Variants in NIPBL observed in about 807,000 individuals in gnomAD.
The protein encoded by NIPBL is nipped-B-like protein.
NIPBL carries 19 observed loss-of-function variants against 321.8 expected under a neutral mutation model. The ratio of observed to expected loss-of-function variants is 0.06; its 90% CI spans 0.04 to 0.09. The LOEUF is 0.09. NIPBL is among the 10% of genes least tolerant of loss of function. The pLI is 1.00. For missense variants in NIPBL, 2,210 were observed against 3,327.0 expected (o/e 0.66, Z 8.26); for synonymous variants, 1,106 against 1,114.1 (o/e 0.99, Z 0.14).
At chr5:36,886,000 G>T (rs1745875483) in intron 1 of NIPBL, 2 of 724,188 alleles carry the variant, frequency 2.8e-6, no homozygotes, top group Non-Finnish European at 5.1e-6. Context: ...ACCAAGAGGA[G>T]CTAGACAAGT....
In NIPBL at chr5:37,064,628, G is replaced by A. The variant is rs1755208707; in HGVS notation, c.8151G>A (p.Lys2717=). The change falls in exon 47 of 47, where the codon AAG becomes AAA. Residue 2717 remains lysine (K), a synonymous_variant. Transcript: ENST00000282516. ...ATGTCATCGCTATTTGCTGTCCAAA[G>A]TACAAAGATCGACCACAAATTGCAA... ...VMDVIAICCP[K]YKDRPQIARV... is the part of the protein sequence containing the mutation. 2 of 1,614,174 alleles carry A rather than the reference G, an allele frequency of 1.2e-6. No individual in the cohort carries two copies. The highest frequency in any genetic ancestry group is 1.7e-6 in the Non-Finnish European group (2 of 1,180,026).
At chr5:36,980,667 T>C (rs1744036694) in intron 9 of NIPBL, among the ~76,000 whole-genome samples, 1 of 151,676 alleles carries the variant, frequency 6.6e-6, no homozygotes, top group Admixed American at 6.6e-5. Flanking sequence ...CATAGTAGGC[T>C]ATATCATCTA....
chr5:37,005,337 C>T (rs1392001231), intron 16 of NIPBL, among the ~76,000 whole-genome samples: 1 of 152,160 alleles, frequency 6.6e-6, no homozygotes, highest in Non-Finnish European at 1.5e-5. Context: ...CATTGTTAGT[C>T]TACAAGTTAC....
At chr5:37,038,554 AC>A in intron 33 of NIPBL, 47 bp from the exon 34 acceptor site, 3 of 1,571,366 alleles carry the variant, frequency 1.9e-6, no homozygotes, top group East Asian at 2.2e-5. Flanking sequence ...TATAGTTTCC[AC>A]TACCTTGTCA....
intron 16 of NIPBL, among the ~76,000 whole-genome samples, chr5:37,004,192 T>C (rs1414304902): frequency 6.6e-6 from 1 of 152,196 alleles, no homozygotes; most frequent in Non-Finnish European, 1.5e-5. Context: ...TTTAATATGC[T>C]TATATCAAAA....
At chr5:36,960,055 G>C (rs1378174549) in intron 4 of NIPBL, among the ~76,000 whole-genome samples, 1 of 151,896 alleles carries the variant, frequency 6.6e-6, no homozygotes, top group Non-Finnish European at 1.5e-5. Flanking sequence ...AATGCAGAGA[G>C]ACCCTGTCTC....
chr5:37,027,337 T>G (rs1750403103), intron 31 of NIPBL, 22 bp from the exon 32 acceptor site: 2 of 1,579,926 alleles, frequency 1.3e-6, no homozygotes, highest in African/African-American at 2.7e-5. Context: ...CTTCTAACTT[T>G]GATTCTTTTC....
At chr5:36,977,431 CCTGT>C (rs888229494) in intron 9 of NIPBL, among the ~76,000 whole-genome samples, 3 of 151,520 alleles carry the variant, frequency 2.0e-5, no homozygotes, top group Middle Eastern at 3.2e-3. Flanking sequence ...TATTATATTT[CCTGT>C]CTGTCATGAT....
chr5:37,037,364 G>A (rs1476654392), intron 33 of NIPBL, among the ~76,000 whole-genome samples: 1 of 148,738 alleles, frequency 6.7e-6, no homozygotes, highest in Admixed American at 6.7e-5. Context: ...CTCCAGCCTG[G>A]GTGACAGAGG....
chr5:36,959,927 T>C (rs866623723), intron 4 of NIPBL, among the ~76,000 whole-genome samples: 2 of 152,096 alleles, frequency 1.3e-5, no homozygotes, highest in African/African-American at 4.8e-5. Flanking sequence ...CCTGGTGATA[T>C]ATGGCTTTGA....
chr5:37,042,097 G>GC (rs1259766590), intron 34 of NIPBL, among the ~76,000 whole-genome samples: 3 of 152,122 alleles, frequency 2.0e-5, no homozygotes, highest in Admixed American at 6.5e-5. Context: ...ACTCCTACAA[G>GC]CCAAGTGGTG....
intron 10 of NIPBL, chr5:36,995,224 G>C (rs532800795): frequency 2.1e-4 from 39 of 185,530 alleles, no homozygotes; most frequent in Middle Eastern, 5.1e-3. Context: ...AACTACTTCA[G>C]ACCTACACAA....
chr5:37,034,633 T>TACTA (rs1200779003), intron 32 of NIPBL, among the ~76,000 whole-genome samples: 1 of 152,162 alleles, frequency 6.6e-6, no homozygotes, highest in East Asian at 1.9e-4. Context: ...ACATCAAGTA[T>TACTA]ACTACCTTTT....
intron 14 of NIPBL, among the ~76,000 whole-genome samples, chr5:37,001,495 G>A (rs185238520): frequency 1.3e-5 from 2 of 152,254 alleles, no homozygotes; most frequent in African/African-American, 2.4e-5. Flanking sequence ...AAGTCTTTAT[G>A]CAGGTGAGGA....
chr5:36,965,223 C>T (rs1462769587), intron 6 of NIPBL, among the ~76,000 whole-genome samples: 1 of 152,006 alleles, frequency 6.6e-6, no homozygotes, highest in Non-Finnish European at 1.5e-5. Context: ...GAGATGCACG[C>T]CCATGTTTAT....
chr5:37,030,741 A>T (rs1750905411), intron 32 of NIPBL, among the ~76,000 whole-genome samples: 1 of 151,800 alleles, frequency 6.6e-6, no homozygotes, highest in African/African-American at 2.4e-5. Context: ...TCATTGTCTA[A>T]ATAATTATGT....
chr5:36,991,745 GTTT>G (rs34780358), intron 10 of NIPBL, among the ~76,000 whole-genome samples: 1 of 127,562 alleles, frequency 7.8e-6, no homozygotes, highest in Admixed American at 7.7e-5. Context: ...GCCTGCCCAA[GTTT>G]TTTTTTTTTT....
chr5:36,972,177 A>C lies in NIPBL; in HGVS notation c.868+136A>C, dbSNP rs1473808197. On this transcript the variant is annotated intron_variant, in intron 8 of 46. Coordinates refer to ENST00000282516, the MANE Select transcript of NIPBL (RefSeq NM_133433.4). Reference sequence around the variant, plus strand: ...TGTAGAAAAAAAAATAAACCTGTACAAGCAGGTCTGGATCATGGGATTTAA... The same window carrying C: ...TGTAGAAAAAAAAATAAACCTGTACCAGCAGGTCTGGATCATGGGATTTAA... 4.6e-6 allele frequency: 3 copies of C among 648,644 alleles called. No individual in the cohort carries two copies. In the African/African-American group the frequency reaches 5.5e-5, roughly 12 times the overall value. The allele number at this position is 648,644 out of a possible 1,614,324, so 40.2% of individuals were successfully genotyped here.
intron 14 of NIPBL, among the ~76,000 whole-genome samples, chr5:37,001,383 T>C (rs2149670804): frequency 6.6e-6 from 1 of 152,262 alleles, no homozygotes; most frequent in African/African-American, 2.4e-5. Context: ...TCAAATCTAG[T>C]CTGTTACCAA....
Sources: gnomAD v4.1 joint callset for allele counts (sites outside exome capture counted in the v4.1 genomes callset) on GRCh38, gnomAD v4.1.1 for gene constraint, MANE v1.5 for transcripts, NCBI Gene and HGNC (gene_info 2026-07-23, HGNC 2026-07-21) for gene names.